The following SORBS3 variants were observed in gnomAD, a reference collection of about 807,000 sequenced individuals.
SORBS3 encodes the protein vinexin.
A neutral mutation model predicts 98.0 loss-of-function variants in SORBS3; 69 were observed. The ratio of observed to expected loss-of-function variants is 0.70; its 90% confidence interval spans 0.58 to 0.86. The LOEUF (loss-of-function observed/expected upper bound fraction) is 0.86. Among genes scored for constraint, SORBS3 ranks in the 40% least tolerant of loss-of-function variants. The pLI, the probability that SORBS3 is intolerant of heterozygous loss-of-function variation, is 0.00. For missense variants in SORBS3, 954 were observed against 908.5 expected (o/e 1.05, Z -0.64); for synonymous variants, 394 against 355.4 (o/e 1.11, Z -1.22).
chr8:22,574,630 G>A, intron 20 of SORBS3, 37 bp from the exon 21 acceptor site: 1 of 1,606,326 alleles, frequency 6.2e-7, no homozygotes, highest in African/African-American at 1.3e-5. Context: ...GTTAAAGAAG[G>A]GAGTGGGGAA....
chr8:22,556,998 TAAAG>T, intron 4 of SORBS3, 90 bp downstream of exon 4: 1 of 1,424,256 alleles, frequency 7.0e-7, no homozygotes, highest in Non-Finnish European at 9.6e-7. Context: ...GGTGGGGCAA[TAAAG>T]GCCGCACCCA....
rs766250044 is a variant in SORBS3, at chr8:22,554,490, C to T, written c.-17C>T. The T allele has an allele frequency of 6.2e-7, 1 of 1,606,888 alleles. No individual in the cohort carries two copies. Among genetic ancestry groups the T allele is most frequent in the Admixed American group, 1.7e-5 (1 of 59,652 alleles). Reference sequence around the variant, plus strand: ...GAGCAGCTGGCTTGCCCGGAGTCCTCCCACCTTGACCCAAGCATGCAGGGC... The same window carrying T: ...GAGCAGCTGGCTTGCCCGGAGTCCTTCCACCTTGACCCAAGCATGCAGGGC... On this transcript the variant is annotated 5_prime_UTR_variant, in exon 2 of 21. Coordinates refer to ENST00000240123, the MANE Select transcript of SORBS3 (RefSeq NM_005775.5). This position sits in a 1 kb window ranked among gnomAD's most constrained non-coding sequence, Gnocchi z 6.5.
At chr8:22,574,384 C>G (rs775011309) in intron 20 of SORBS3, among the ~76,000 whole-genome samples, 7 of 143,608 alleles carry the variant, frequency 4.9e-5, no homozygotes, top group Admixed American at 3.5e-4. Context: ...TGTGTCCCCA[C>G]TTTGCGGAGG....
Position 22,554,753 on chromosome 8 carries a change from C to A in SORBS3, c.103-110C>A. ...GGGCCTCGCTGGTTTCCCACAAAAT[C>A]GTCAGGCGGGCCTGGGACTGTCACC... On this transcript the variant is annotated intron_variant, in intron 2 of 20. Transcript: ENST00000240123. This position sits in a 1 kb window ranked among gnomAD's most constrained non-coding sequence, Gnocchi z 6.5. 7.3e-7 allele frequency: 1 copy of A among 1,369,226 alleles called. No homozygotes were observed. The highest frequency in any genetic ancestry group is 1.0e-6 in the Non-Finnish European group (1 of 1,004,182). The allele number at this position is 1,369,226 out of a possible 1,614,324, so 84.8% of individuals were successfully genotyped here.
chr8:22,572,353 T>C lies in SORBS3; in HGVS notation c.1861T>C (p.Tyr621His). The stretch of plus-strand genomic sequence containing the variant: ...CGCTTCTCGCAGGTACCGGGCGATG[T>C]ACCAGTACAGGCCCCAGAACGAAGA... ...QIHWTPYRAM[Y>H]QYRPQNEDEL... Residue 621 changes from tyrosine (Y) to histidine (H), a missense_variant, in exon 20 of 21, where the codon TAC (tyrosine) becomes CAC (histidine). Coordinates refer to ENST00000240123, the MANE Select transcript of SORBS3 (RefSeq NM_005775.5). 6.2e-7 allele frequency: 1 copy of C among 1,613,850 alleles called. No homozygotes were observed. The highest frequency in any genetic ancestry group is 8.5e-7 in the Non-Finnish European group (1 of 1,179,816).
rs1442938731 is a variant in SORBS3 at position 22,556,927 on chromosome 8, G to A, written c.414+19G>A. On this transcript the variant is annotated intron_variant, in intron 4 of 20. Coordinates refer to ENST00000240123, the MANE Select transcript of SORBS3 (RefSeq NM_005775.5). ...CCGATCCGTGAGTCCAGGGCTGGGG[G>A]CCACGGAGAGATGGGGCCCAGGGAT... 3.7e-6 allele frequency: 6 copies of A among 1,610,394 alleles called. No homozygotes were observed. Among genetic ancestry groups the A allele is most frequent in the South Asian group, 2.2e-5 (2 of 91,050 alleles).
chr8:22,565,276 GGAGA>G lies in SORBS3; in HGVS notation c.831_834del (p.Arg277SerfsTer5), dbSNP rs982586609. The G allele has an allele frequency of 1.3e-6, 2 of 1,553,534 alleles. No individual in the cohort carries two copies. Among genetic ancestry groups the G allele is most frequent in the East Asian group, 4.9e-5 (2 of 41,180 alleles). ...CCTCTCCCCGCCCCCAGGTGCTGCT[GGAGA>G]GAGAGCTGGCCGAGCTGAGCGCCGA... On this transcript the variant is annotated frameshift_variant, in exon 11 of 21. Transcript: ENST00000240123. LOFTEE classifies it high-confidence loss of function.
At chr8:22,552,377 A>G (rs955469740) in intron 1 of SORBS3, among the ~76,000 whole-genome samples, 2 of 152,154 alleles carry the variant, frequency 1.3e-5, no homozygotes, top group Non-Finnish European at 2.9e-5. Flanking sequence ...GGAGGTCTGA[A>G]TTCTGGGAGG....
intron 7 of SORBS3, among the ~76,000 whole-genome samples, chr8:22,563,036 A>G (rs2941199): frequency 6.6e-6 from 1 of 151,790 alleles, no homozygotes; most frequent in Non-Finnish European, 1.5e-5. Context: ...GGAGAATGGC[A>G]TGAACCCAGG....
chr8:22,567,184 G>A lies in SORBS3; in HGVS notation c.1305+9G>A. 6.5e-7 allele frequency: 1 copy of A among 1,543,230 alleles called. No individual in the cohort carries two copies. Among genetic ancestry groups the A allele is most frequent in the Non-Finnish European group, 8.9e-7 (1 of 1,118,806 alleles). On this transcript the variant is annotated intron_variant, in intron 16 of 20. Coordinates refer to ENST00000240123, the MANE Select transcript of SORBS3 (RefSeq NM_005775.5). ...CTGCTAATTATGTGGAGGTGAGCAG[G>A]AGAGACAAGAGCAAGTGGGGCTGGG...
In SORBS3 at chr8:22,571,835, G is replaced by GAGGGCTCT. The variant is rs1840594561; in HGVS notation, c.1847+15_1847+22dup. Reference sequence around the variant, plus strand: ...ACACTGGACCCCGTGAGTACCATCTGAGGGCTCTTGATCAGACGTGGGGGG... The same window carrying GAGGGCTCT: ...ACACTGGACCCCGTGAGTACCATCTGAGGGCTCTAGGGCTCTTGATCAGACGTGGGGGG... On this transcript the variant is annotated intron_variant, in intron 19 of 20. Transcript: ENST00000240123. 6.4e-7 allele frequency: 1 copy of GAGGGCTCT among 1,568,788 alleles called. No individual in the cohort carries two copies. Among genetic ancestry groups the GAGGGCTCT allele is most frequent in the Admixed American group, 1.7e-5 (1 of 59,948 alleles).
chr8:22,566,873 G>C lies in SORBS3; in HGVS notation c.1190+5G>C, dbSNP rs774443618. The C allele has an allele frequency of 1.9e-6, 3 of 1,608,446 alleles. No homozygotes were observed. In the African/African-American group the frequency reaches 4.0e-5, roughly 22 times the overall value. On this transcript the variant is annotated splice_donor_5th_base_variant and intron_variant, in intron 15 of 20. Transcript: ENST00000240123. ...CTTCCAGGCGCAGTCCCCCAAGTAA[G>C]CGCCCTCCTCCCCCTCCCCTTCCAC...
Position 22,551,994 on chromosome 8 carries a change from C to A in SORBS3, c.-84C>A. On this transcript the variant is annotated 5_prime_UTR_variant, in exon 1 of 21. An upstream open reading frame in the 5' UTR gains an earlier in-frame stop. Transcript: ENST00000240123. This position sits in a 1 kb window ranked among gnomAD's most constrained non-coding sequence, Gnocchi z 5.8. ...ATGCTCCTGCGCTCCCGGGCGGCCT[C>A]GGGCCCAGCCACCTGCTCGCCGGGG... 3.0e-6 allele frequency: 3 copies of A among 984,266 alleles called. No individual in the cohort carries two copies. The highest frequency in any genetic ancestry group is 3.6e-6 in the Non-Finnish European group (3 of 829,612). 61.0% of individuals were successfully genotyped at this position (984,266 alleles called of 1,614,324 possible). A position where few individuals can be genotyped will look rare whatever the true frequency, so the allele number is the denominator to read the frequency against.
intron 1 of SORBS3, among the ~76,000 whole-genome samples, chr8:22,552,391 C>T (rs1840099235): frequency 6.6e-6 from 1 of 152,202 alleles, no homozygotes; most frequent in African/African-American, 2.4e-5. Flanking sequence ...TGGGAGGACC[C>T]CTCCGCTCTC....
At chr8:22,555,094 T>C in intron 3 of SORBS3, 114 bp downstream of exon 3, 1 of 884,616 alleles carries the variant, frequency 1.1e-6, no homozygotes, top group Non-Finnish European at 1.8e-6. Flanking sequence ...CTCAAGGCCA[T>C]GAGGAGGTTC....
upstream of SORBS3, among the ~76,000 whole-genome samples, chr8:22,551,010 C>A (rs1435690184): frequency 6.6e-6 from 1 of 152,180 alleles, no homozygotes; most frequent in Admixed American, 6.5e-5. This position sits in a 1 kb window ranked among gnomAD's most constrained non-coding sequence, Gnocchi z 5.8. Flanking sequence ...GGATGGGGAG[C>A]CGGAAGGGCC....
chr8:22,556,843 C>T lies in SORBS3; in HGVS notation c.349C>T (p.Arg117Cys), dbSNP rs771453773. 25 of 1,613,470 alleles carry T rather than the reference C, an allele frequency of 1.5e-5. No individual in the cohort carries two copies. Among genetic ancestry groups the T allele is most frequent in the South Asian group, 6.6e-5 (6 of 91,086 alleles). Residue 117 changes from arginine (R) to cysteine (C), a missense_variant, in exon 4 of 21, where the codon CGC becomes TGC. Physicochemically the swap from Arg to Cys is radical, Grantham distance 180. Transcript: ENST00000240123. ...WTKDSKRRDK[R>C]WVKYEGIGPV... Reference sequence around the variant, plus strand: ...CAAGGACAGCAAGCGTCGGGACAAGCGCTGGGTCAAGTACGAGGGAATCGG... The same window carrying T: ...CAAGGACAGCAAGCGTCGGGACAAGTGCTGGGTCAAGTACGAGGGAATCGG...
At chr8:22,564,595 C>T in intron 10 of SORBS3, 74 bp downstream of exon 10, 1 of 1,581,988 alleles carries the variant, frequency 6.3e-7, no homozygotes, top group South Asian at 1.1e-5. Flanking sequence ...CCCCAGTAAC[C>T]ATGGGCATAG....
At chr8:22,567,040 G>C (rs375964146) in intron 15 of SORBS3, 21 bp from the exon 16 acceptor site, 1 of 1,595,514 alleles carries the variant, frequency 6.3e-7, no homozygotes, top group East Asian at 2.2e-5. Flanking sequence ...CTTACCCTGC[G>C]GTCCTCGTCC....
Sources: allele counts gnomAD v4.1 joint callset (sites outside exome capture counted in the v4.1 genomes callset), GRCh38; gene constraint gnomAD v4.1.1; non-coding constraint Gnocchi (gnomAD v3.1); transcripts MANE v1.5; gene names NCBI Gene and HGNC (gene_info 2026-07-23, HGNC 2026-07-21).